UNC80: variants seen among roughly 807,000 people sequenced by gnomAD.
The protein encoded by UNC80 is unc-80 subunit of NALCN channel complex.
Under a neutral mutation model 384.6 loss-of-function variants are expected in UNC80, and 164 were observed. The ratio of observed to expected loss-of-function variants is 0.43; its 90% CI spans 0.38 to 0.49. The LOEUF (loss-of-function observed/expected upper bound fraction) is 0.49. UNC80 is among the 20% of genes least tolerant of loss of function. The pLI is 0.00. For missense variants in UNC80, 3,330 were observed against 4,143.0 expected (o/e 0.80, Z 5.39); for synonymous variants, 1,486 against 1,527.8 (o/e 0.97, Z 0.64).
intron 24 of UNC80, among the ~76,000 whole-genome samples, chr2:209,879,523 C>T (rs773263404): frequency 2.0e-5 from 3 of 152,134 alleles, no homozygotes; most frequent in African/African-American, 2.4e-5. Flanking sequence ...AGACTAAGCT[C>T]ATTGTCTGCA....
At chr2:209,827,191 C>A (rs1287024605) in intron 14 of UNC80, among the ~76,000 whole-genome samples, 2 of 152,034 alleles carry the variant, frequency 1.3e-5, no homozygotes, top group Non-Finnish European at 2.9e-5. Flanking sequence ...GCTGGCATCT[C>A]CCCCATCTTT....
At chr2:209,954,057 T>C (rs1407253611) in intron 47 of UNC80, 43 bp from the exon 48 acceptor site, 2 of 1,519,774 alleles carry the variant, frequency 1.3e-6, no homozygotes, top group Non-Finnish European at 1.8e-6. Context: ...CCAACAAAAG[T>C]AGAATGTAAA....
intron 7 of UNC80, among the ~76,000 whole-genome samples, chr2:209,794,631 C>A (rs1161926046): frequency 6.6e-6 from 1 of 152,152 alleles, no homozygotes; most frequent in Non-Finnish European, 1.5e-5. Flanking sequence ...TCCCAGAATT[C>A]CCACGTGTTG....
intron 22 of UNC80, 137 bp downstream of exon 22, chr2:209,849,760 A>G: frequency 2.1e-6 from 2 of 949,900 alleles, no homozygotes. Context: ...AAAAGGGGGA[A>G]GAAAGATGGT....
chr2:209,951,298 TC>T (rs113864323), intron 47 of UNC80, among the ~76,000 whole-genome samples: 45,847 of 150,938 alleles, frequency 0.3, 8,066 homozygotes, highest in African/African-American at 0.49. Context: ...CCTTTTTTTT[TC>T]TCTCTCTCTC....
intron 20 of UNC80, among the ~76,000 whole-genome samples, chr2:209,841,358 T>G (rs144274489): frequency 0.014 from 2,093 of 152,220 alleles, 49 homozygotes; most frequent in African/African-American, 0.045. Context: ...TGTTGTTGTT[T>G]TTGTTTTGTT....
At chr2:209,957,530 ACT>A in intron 48 of UNC80, 112 bp from the exon 49 acceptor site, 1 of 879,120 alleles carries the variant, frequency 1.1e-6, no homozygotes, top group East Asian at 2.7e-5. Context: ...TCTTTTGAAG[ACT>A]CTAAAACTAA....
intron 20 of UNC80, among the ~76,000 whole-genome samples, chr2:209,841,613 G>A (rs1284272636): frequency 6.6e-6 from 1 of 152,138 alleles, no homozygotes; most frequent in Non-Finnish European, 1.5e-5. Flanking sequence ...GCCTCCCAAA[G>A]TGCTGGGATT....
intron 22 of UNC80, among the ~76,000 whole-genome samples, chr2:209,859,969 T>C (rs191683413): frequency 1.3e-5 from 2 of 152,356 alleles, no homozygotes; most frequent in Non-Finnish European, 2.9e-5. Flanking sequence ...TCCCATTCTG[T>C]AGGTGGCTTG....
At chr2:209,898,723 T>A (rs2087058156) in intron 28 of UNC80, among the ~76,000 whole-genome samples, 1 of 152,152 alleles carries the variant, frequency 6.6e-6, no homozygotes, top group Admixed American at 6.5e-5. Flanking sequence ...TCATTCTATT[T>A]TTTTGTATTC....
intron 12 of UNC80, 109 bp downstream of exon 12, chr2:209,819,370 T>C: frequency 8.0e-7 from 1 of 1,244,490 alleles, no homozygotes; most frequent in Non-Finnish European, 1.1e-6. Flanking sequence ...ATATCAAACC[T>C]TGAAATGAAA....
At chr2:209,933,071 G>A (rs2091002884) in intron 38 of UNC80, among the ~76,000 whole-genome samples, 1 of 152,112 alleles carries the variant, frequency 6.6e-6, no homozygotes, top group East Asian at 1.9e-4. Flanking sequence ...ATTTCTTTCT[G>A]AATATTTGCA....
rs1347892606 is a variant in UNC80, at chr2:209,820,430, G to T, written c.2082G>T (p.Lys694Asn). Residue 694 changes from lysine to asparagine, a missense_variant, in exon 13 of 65, where the codon AAG (lysine) becomes AAT (asparagine). Around this residue, in one of 8 missense-constraint regions of UNC80, gnomAD observed 937 missense variants for 1,026.8 expected, o/e 0.91. Transcript: ENST00000673920. ...LQLGVVPCVE[K>N]NRKKSENKEN... The stretch of plus-strand genomic sequence containing the variant: ...TTGGTGTGGTGCCCTGTGTAGAAAA[G>T]AATAGAAAGAAGAGTGAAAACAAGG... The T allele has an allele frequency of 4.5e-6, 7 of 1,551,764 alleles. No individual in the cohort carries two copies. The Admixed American group carries it at 5.9e-5, about 13-fold the overall frequency.
intron 7 of UNC80, chr2:209,809,337 C>G (rs1219947286): frequency 1.2e-6 from 1 of 818,104 alleles, no homozygotes; most frequent in Non-Finnish European, 2.2e-6. Context: ...CCTGCGAAAC[C>G]TGCGGGAAGG....
In UNC80 at chr2:209,976,810, G is replaced by A. The variant is rs891039939; in HGVS notation, c.8773-103G>A. The A allele has an allele frequency of 1.4e-5, 18 of 1,278,786 alleles. No homozygotes were observed. The African/African-American group carries it at 2.4e-4, about 17-fold the overall frequency. The allele number at this position is 1,278,786 out of a possible 1,614,324, so 79.2% of individuals were successfully genotyped here. ...AAGTGCCGTTCTAGGAACATCACAT[G>A]CATTACCTTATTTATTCCTCACAAC... On this transcript the variant is annotated intron_variant, in intron 57 of 64. Transcript: ENST00000673920. The surrounding 1 kb of genome is among the most constrained non-coding windows in gnomAD (Gnocchi z 4.3).
intron 8 of UNC80, among the ~76,000 whole-genome samples, chr2:209,814,388 C>T (rs1328718924): frequency 3.3e-5 from 5 of 151,956 alleles, no homozygotes; most frequent in African/African-American, 9.7e-5. Flanking sequence ...GGACTACAGG[C>T]GCCCGCCACC....
intron 36 of UNC80, among the ~76,000 whole-genome samples, 193 bp from the exon 37 acceptor site, chr2:209,929,678 C>G (rs940617498): frequency 6.6e-6 from 1 of 152,166 alleles, no homozygotes; most frequent in Non-Finnish European, 1.5e-5. Flanking sequence ...TTTTTGGTAA[C>G]CTGTTCTTTA....
chr2:209,955,503 T>A (rs7593770), intron 48 of UNC80, among the ~76,000 whole-genome samples: 1 of 149,494 alleles, frequency 6.7e-6, no homozygotes, highest in Admixed American at 6.7e-5. Flanking sequence ...TGACAAATTA[T>A]CTCTTCCAAG....
intron 22 of UNC80, among the ~76,000 whole-genome samples, chr2:209,865,574 C>T (rs547009887): frequency 1.1e-4 from 17 of 150,268 alleles, no homozygotes; most frequent in African/African-American, 2.9e-4. Flanking sequence ...TGCACTCCAG[C>T]TCCGTCTCAG....
Sources: gnomAD v4.1 joint callset for allele counts (sites outside exome capture counted in the v4.1 genomes callset) on GRCh38, gnomAD v4.1.1 for gene constraint, gnomAD v4.1.1 regional missense constraint, Gnocchi (gnomAD v3.1) non-coding constraint, MANE v1.5 for transcripts, NCBI Gene and HGNC (gene_info 2026-07-23, HGNC 2026-07-21) for gene names.